The following SCPEP1 variants were observed in gnomAD, a reference collection of about 807,000 sequenced individuals.
The protein encoded by SCPEP1 is serine carboxypeptidase 1.
Under a neutral mutation model 63.8 loss-of-function variants are expected in SCPEP1, and 51 were observed. That is an observed-to-expected ratio of 0.80 (90% CI 0.64 to 1.01). SCPEP1 has a LOEUF of 1.01. Among genes scored for constraint, SCPEP1 ranks in the 50% least tolerant of loss-of-function variants. The pLI is 0.00. For missense variants in SCPEP1, 499 were observed against 554.9 expected (o/e 0.90, Z 1.01); for synonymous variants, 204 against 207.8 (o/e 0.98, Z 0.16).
Position 57,000,999 on chromosome 17 carries a change from A to G in SCPEP1, c.1132+7A>G, listed in dbSNP as rs1911725612. The G allele has an allele frequency of 6.2e-7, 1 of 1,614,160 alleles. No individual in the cohort carries two copies. The highest frequency in any genetic ancestry group is 1.3e-5 in the African/African-American group (1 of 75,044). ...CTCATCGTAGATACCATGGGTAGGA[A>G]TTGACTCTGAGAGGCACCTAGAGGC... is the stretch of plus-strand genomic sequence containing the variant. On this transcript the variant is annotated splice_region_variant and intron_variant, in intron 11 of 12. Transcript: ENST00000262288.
At chr17:56,983,624 G>A (rs1038040868) in intron 2 of SCPEP1, 9 of 152,148 alleles carry the variant, frequency 5.9e-5, no homozygotes, top group Non-Finnish European at 1.2e-4. Context: ...ATAGGACTGC[G>A]GTTAACATCT....
chr17:57,000,986 A>T lies in SCPEP1; in HGVS notation c.1126A>T (p.Thr376Ser). 1.2e-6 allele frequency: 2 copies of T among 1,614,190 alleles called. No individual in the cohort carries two copies. The highest frequency in any genetic ancestry group is 1.7e-6 in the Non-Finnish European group (2 of 1,180,034). The change falls in exon 11 of 13, where the codon ACC becomes TCC. Residue 376 changes from threonine to serine, a missense_variant. By Grantham distance (58) the Thr-to-Ser change is moderately conservative (BLOSUM62 1). Coordinates refer to ENST00000262288, the MANE Select transcript of SCPEP1 (RefSeq NM_021626.3). ...TGGACAGCTGGATCTCATCGTAGATACCATGGGTAGGAATTGACTCTGAGA... is the reference window on the plus strand; with the variant it reads ...TGGACAGCTGGATCTCATCGTAGATTCCATGGGTAGGAATTGACTCTGAGA... Reference protein sequence around the residue: ...YNGQLDLIVDTMGQEAWVRKL... With the variant: ...YNGQLDLIVDSMGQEAWVRKL...
chr17:57,000,337 G>T (rs1911702579), intron 10 of SCPEP1, among the ~76,000 whole-genome samples: 1 of 152,180 alleles, frequency 6.6e-6, no homozygotes, highest in African/African-American at 2.4e-5. Context: ...GCAGGAGCTA[G>T]CAAGAGTACT....
chr17:56,999,083 G>A lies in SCPEP1; in HGVS notation c.994+585G>A, dbSNP rs78354132. 1.1e-3 allele frequency among the ~76,000 whole-genome samples: 167 copies of A among 152,222 alleles called. 3 individuals are homozygous for A. In the East Asian group the frequency reaches 0.03, roughly 28 times the overall value. ...TGTTGAAGCCTGGTATGGGTACATC[G>A]GAGCATTGTATGCTTCTCCTTTCTA... On this transcript the variant is annotated intron_variant, in intron 10 of 12. Transcript: ENST00000262288.
In SCPEP1 at chr17:56,998,441, A is replaced by G; in HGVS notation, c.937A>G (p.Met313Val). The G allele has an allele frequency of 6.2e-7, 1 of 1,614,078 alleles. No individual in the cohort carries two copies. Among genetic ancestry groups the G allele is most frequent in the Non-Finnish European group, 8.5e-7 (1 of 1,179,996 alleles). ...ACAACGAGATGCCTTAAGCCAGCTC[A>G]TGAATGGCCCCATCAGAAAGAAGCT... Reference protein sequence around the residue: ...HLQRDALSQLMNGPIRKKLKI... With the variant: ...HLQRDALSQLVNGPIRKKLKI... Residue 313 changes from methionine to valine, a missense_variant, in exon 10 of 13, where the codon ATG becomes GTG. Physicochemically the swap from Met to Val is conservative, Grantham distance 21. Coordinates refer to ENST00000262288, the MANE Select transcript of SCPEP1 (RefSeq NM_021626.3).
intron 2 of SCPEP1, chr17:56,984,406 ACCTCCCAAAGAGCCTCCTCTTG>A (rs1432696023): frequency 6.6e-6 from 1 of 151,310 alleles, no homozygotes; most frequent in Non-Finnish European, 1.5e-5. Flanking sequence ...TCCCCTGACC[ACCTCCCAAAGAGCCTCCTCTTG>A]TCTCAATTAG....
chr17:56,983,523 A>G (rs1237820984), intron 2 of SCPEP1: 4 of 152,252 alleles, frequency 2.6e-5, no homozygotes, highest in Admixed American at 6.5e-5. Context: ...GTGGCAGTGT[A>G]GCATTCCATG....
intron 6 of SCPEP1, 51 bp downstream of exon 6, chr17:56,991,222 T>C: frequency 7.4e-7 from 1 of 1,358,802 alleles, no homozygotes; most frequent in South Asian, 1.2e-5. Flanking sequence ...GCCCATCCTT[T>C]CCTGGGACTT....
intron 1 of SCPEP1, among the ~76,000 whole-genome samples, chr17:56,979,625 T>C (rs900543640): frequency 6.6e-6 from 1 of 152,148 alleles, no homozygotes; most frequent in African/African-American, 2.4e-5. Context: ...GTAAGGAAAA[T>C]TGGAGTTAGG....
chr17:56,989,121 T>C (rs1911310633), intron 5 of SCPEP1, among the ~76,000 whole-genome samples: 1 of 151,786 alleles, frequency 6.6e-6, no homozygotes, highest in South Asian at 2.1e-4. Flanking sequence ...GCTCAAGGAG[T>C]TGAAGCTGCA....
intron 6 of SCPEP1, among the ~76,000 whole-genome samples, chr17:56,993,785 T>G (rs896200856): frequency 3.9e-5 from 6 of 152,200 alleles, no homozygotes; most frequent in Admixed American, 2.6e-4. Flanking sequence ...GTTTGGAGGC[T>G]GTAAGAACAG....
At chr17:56,984,306 T>C (rs939393530) in intron 2 of SCPEP1, 2 of 152,342 alleles carry the variant, frequency 1.3e-5, no homozygotes, top group Admixed American at 6.5e-5. Context: ...CCTCTGCCCT[T>C]TCCCTCGCCT....
At chr17:57,004,442 G>C (rs1911827723) in intron 12 of SCPEP1, among the ~76,000 whole-genome samples, 1 of 152,152 alleles carries the variant, frequency 6.6e-6, no homozygotes, top group South Asian at 2.1e-4. Context: ...CATTATTTAT[G>C]GCTCTCAGGA....
intron 3 of SCPEP1, 152 bp downstream of exon 3, chr17:56,985,619 C>G: frequency 1.6e-6 from 1 of 642,366 alleles, no homozygotes; most frequent in Non-Finnish European, 2.8e-6. Context: ...CCGCAGGCTT[C>G]CTCTCTGGCC....
chr17:57,005,312 T>A (rs904018596), intron 12 of SCPEP1, among the ~76,000 whole-genome samples: 3 of 152,232 alleles, frequency 2.0e-5, no homozygotes, highest in African/African-American at 7.2e-5. Context: ...CCACGCGCTC[T>A]GTATACTAGA....
intron 10 of SCPEP1, 89 bp from the exon 11 acceptor site, chr17:57,000,766 T>G: frequency 6.8e-7 from 1 of 1,473,400 alleles, no homozygotes; most frequent in Non-Finnish European, 9.4e-7. Context: ...CGTTGTTCGG[T>G]GCTGGAGCCC....
intron 5 of SCPEP1, 66 bp from the exon 6 acceptor site, chr17:56,991,031 CAA>C: frequency 8.4e-7 from 1 of 1,188,882 alleles, no homozygotes; most frequent in Non-Finnish European, 1.3e-6. Context: ...CTAAGCTTCC[CAA>C]AGTGTTGGGA....
intron 2 of SCPEP1, chr17:56,984,342 C>A (rs1348340892): frequency 1.3e-5 from 2 of 152,422 alleles, no homozygotes; most frequent in Non-Finnish European, 2.9e-5. Context: ...TTCTCATAGA[C>A]TCCCCACCTC....
Position 56,981,248 on chromosome 17 carries a change from C to A in SCPEP1, c.225+18C>A. On this transcript the variant is annotated intron_variant, in intron 2 of 12. Transcript: ENST00000262288. ...GGCTTCAGGTAAAGTAGCTTCCCAG[C>A]CTGGCCTGAGGTCAAAGCCAAGTCT... 1.2e-6 allele frequency: 2 copies of A among 1,613,822 alleles called. No homozygotes were observed. Among genetic ancestry groups the A allele is most frequent in the Non-Finnish European group, 1.7e-6 (2 of 1,179,872 alleles).
Sources: gnomAD v4.1 joint callset for allele counts (sites outside exome capture counted in the v4.1 genomes callset) on GRCh38, gnomAD v4.1.1 for gene constraint, MANE v1.5 for transcripts, NCBI Gene and HGNC (gene_info 2026-07-23, HGNC 2026-07-21) for gene names.